Variants in PRKCQ observed in about 807,000 individuals in gnomAD.
PRKCQ encodes protein kinase C theta.
PRKCQ carries 41 observed loss-of-function variants against 91.2 expected under a neutral mutation model. The ratio of observed to expected loss-of-function variants is 0.45; its 90% CI spans 0.35 to 0.58. The LOEUF is 0.58. PRKCQ is among the 20% of genes least tolerant of loss of function. The pLI is 0.00. For synonymous variants in PRKCQ, 307 were observed against 316.9 expected (o/e 0.97, Z 0.33); for missense variants, 673 against 896.5 (o/e 0.75, Z 3.18).
chr10:6,408,746 C>G, the PRKCQ span, among the ~76,000 whole-genome samples: 1 of 152,192 alleles, frequency 6.6e-6, no homozygotes, highest in African/African-American at 2.4e-5. Context: ...ATGTTAGTAG[C>G]TGTTTATTAA....
At chr10:6,500,528 A>G (rs1214127714) in intron 4 of PRKCQ, among the ~76,000 whole-genome samples, 1 of 151,778 alleles carries the variant, frequency 6.6e-6, no homozygotes, top group Non-Finnish European at 1.5e-5. Flanking sequence ...TTTTTTTAAA[A>G]TATCAGGAAT....
rs961196644 is a variant in PRKCQ at position 6,430,854 on chromosome 10, C to T, written c.1921G>A (p.Glu641Lys). ...GGGTCAATCTCCTTCCGTTCAAGTT[C>T]CTCCCAGTTGATCTCCCGAAACAAA... Reference protein sequence around the residue: ...HPLFREINWEELERKEIDPPF... With the variant: ...HPLFREINWEKLERKEIDPPF... Residue 641 changes from glutamate (E) to lysine (K), a missense_variant, in exon 17 of 18, where the codon GAA becomes AAA. Transcript: ENST00000263125. This position sits in a 1 kb window ranked among gnomAD's most constrained non-coding sequence, Gnocchi z 4.7. The T allele has an allele frequency of 1.2e-6, 2 of 1,614,178 alleles. No homozygotes were observed. Among genetic ancestry groups the T allele is most frequent in the Non-Finnish European group, 1.7e-6 (2 of 1,180,032 alleles).
chr10:6,423,123 C>T (rs1833043895), downstream of PRKCQ, among the ~76,000 whole-genome samples: 1 of 152,194 alleles, frequency 6.6e-6, no homozygotes, highest in South Asian at 2.1e-4. Context: ...GCTGATGCTG[C>T]AGCCAGGCCT....
chr10:6,558,601 C>T (rs1478455096), intron 1 of PRKCQ, among the ~76,000 whole-genome samples: 5 of 152,174 alleles, frequency 3.3e-5, no homozygotes, highest in Non-Finnish European at 5.9e-5. Flanking sequence ...GAAGTGACTT[C>T]GGTCCAGGAA....
intron 1 of PRKCQ, among the ~76,000 whole-genome samples, chr10:6,548,185 A>G (rs940812352): frequency 3.0e-4 from 45 of 150,804 alleles, no homozygotes; most frequent in African/African-American, 9.6e-4. Flanking sequence ...ACAATGAGAT[A>G]CCATCTCACA....
At chr10:6,563,260 G>C (rs1053399620) in intron 1 of PRKCQ, among the ~76,000 whole-genome samples, 2 of 151,982 alleles carry the variant, frequency 1.3e-5, no homozygotes, top group African/African-American at 4.8e-5. Flanking sequence ...TTTGCCCAGT[G>C]CCTCTCCTCC....
At chr10:6,413,851 T>C in the PRKCQ span, among the ~76,000 whole-genome samples, 2 of 152,128 alleles carry the variant, frequency 1.3e-5, no homozygotes, top group Non-Finnish European at 2.9e-5. Flanking sequence ...TAGGAAGCAC[T>C]GGATTAAACA....
chr10:6,559,241 A>G (rs1159843645), intron 1 of PRKCQ, among the ~76,000 whole-genome samples: 3 of 152,180 alleles, frequency 2.0e-5, no homozygotes, highest in Admixed American at 2.0e-4. Context: ...TGGCAAAGGA[A>G]CTTCTGGGTA....
rs550846480 is a variant in PRKCQ, at chr10:6,440,506, T to C, written c.1836+1387A>G. ...CCGAATAAGAACTGTTTTTTTCTGCTCATCCTCTTTCCTCTCTCAGCTTCT... is the reference window on the plus strand; with the variant it reads ...CCGAATAAGAACTGTTTTTTTCTGCCCATCCTCTTTCCTCTCTCAGCTTCT... On this transcript the variant is annotated intron_variant, in intron 16 of 17. Transcript: ENST00000263125. Among the ~76,000 whole-genome samples, 5 of 152,306 alleles carry C rather than the reference T, an allele frequency of 3.3e-5. No homozygotes were observed. The South Asian group carries it at 1.0e-3, about 32-fold the overall frequency.
chr10:6,457,317 G>A (rs1291269889), intron 14 of PRKCQ, among the ~76,000 whole-genome samples: 1 of 152,110 alleles, frequency 6.6e-6, no homozygotes, highest in Non-Finnish European at 1.5e-5. Flanking sequence ...CCTCTTAAAA[G>A]AACCCATTCC....
At chr10:6,507,560 C>G in intron 3 of PRKCQ, 64 bp from the exon 4 acceptor site, 2 of 1,366,124 alleles carry the variant, frequency 1.5e-6, no homozygotes, top group Non-Finnish European at 1.0e-6. Context: ...TCAATGACAT[C>G]ACTGGCTACT....
At chr10:6,552,896 T>A (rs1441429504) in intron 1 of PRKCQ, among the ~76,000 whole-genome samples, 3 of 152,190 alleles carry the variant, frequency 2.0e-5, no homozygotes, top group African/African-American at 4.8e-5. Flanking sequence ...AATTAAAATT[T>A]TTTTTTAATT....
chr10:6,560,564 G>A (rs1269313514), intron 1 of PRKCQ, among the ~76,000 whole-genome samples: 1 of 152,150 alleles, frequency 6.6e-6, no homozygotes, highest in Non-Finnish European at 1.5e-5. Context: ...TCACGGATAT[G>A]CTGCACTTCG....
Position 6,498,524 on chromosome 10 carries a change from G to A in PRKCQ, c.414C>T (p.Gly138=). ...CCCGGCGCTGATGCAAAGCAAAGAA[G>A]CCTTCCGTCTCAAATTCATTCATGT... ...TKDMNEFETE[G]FFALHQRRGA... The change falls in exon 5 of 18, where the codon GGC becomes GGT. Residue 138 remains glycine (G), a synonymous_variant. Transcript: ENST00000263125. 1.2e-6 allele frequency: 2 copies of A among 1,614,110 alleles called. No homozygotes were observed. The highest frequency in any genetic ancestry group is 2.7e-5 in the African/African-American group (2 of 75,042).
chr10:6,507,340 T>C, intron 4 of PRKCQ, 96 bp downstream of exon 4: 1 of 1,228,182 alleles, frequency 8.1e-7, no homozygotes, highest in Non-Finnish European at 1.2e-6. Context: ...TTCTCCTGAT[T>C]CTCTTCTACA....
At chr10:6,575,847 T>C (rs1564402441) in intron 1 of PRKCQ, among the ~76,000 whole-genome samples, 1 of 152,096 alleles carries the variant, frequency 6.6e-6, no homozygotes, top group East Asian at 1.9e-4. Flanking sequence ...CGAGACCATC[T>C]TGGCCAACAT....
At chr10:6,425,102 C>T (rs934612575), downstream of PRKCQ, among the ~76,000 whole-genome samples, 8 of 152,090 alleles carry the variant, frequency 5.3e-5, no homozygotes, top group Admixed American at 2.0e-4. Context: ...TGGTGGATGT[C>T]GCTGAAACCC....
At chr10:6,517,630 T>G (rs1260825506) in intron 1 of PRKCQ, among the ~76,000 whole-genome samples, 1 of 123,204 alleles carries the variant, frequency 8.1e-6, no homozygotes, top group Non-Finnish European at 1.6e-5. Flanking sequence ...TTTACAACCT[T>G]TCCCAGATTT....
At chr10:6,464,722 A>C (rs960275199) in intron 12 of PRKCQ, among the ~76,000 whole-genome samples, 1 of 152,232 alleles carries the variant, frequency 6.6e-6, no homozygotes, top group African/African-American at 2.4e-5. Flanking sequence ...TGCTGGGATT[A>C]CAGGCGTGAG....
Sources: allele counts gnomAD v4.1 joint callset (sites outside exome capture counted in the v4.1 genomes callset), GRCh38; gene constraint gnomAD v4.1.1; non-coding constraint Gnocchi (gnomAD v3.1); transcripts MANE v1.5; gene names NCBI Gene and HGNC (gene_info 2026-07-23, HGNC 2026-07-21).